INPP5A: variants seen among roughly 807,000 people sequenced by gnomAD.
INPP5A encodes 43 kDa inositol polyphosphate 5-phophatase.
Under a neutral mutation model 65.2 loss-of-function variants are expected in INPP5A, and 14 were observed. That is an observed-to-expected ratio of 0.21 (90% CI 0.14 to 0.34). The LOEUF (loss-of-function observed/expected upper bound fraction) is 0.34, where lower values mean the gene tolerates loss of function less well. INPP5A is among the 10% of genes least tolerant of loss of function. The pLI is 1.00. For synonymous variants in INPP5A, 207 were observed against 208.3 expected, an observed-to-expected ratio of 0.99 and a Z score of 0.05; for missense variants, 431 against 545.6, an observed-to-expected ratio of 0.79 and a Z score of 2.09.
In INPP5A at chr10:132,607,990, A is replaced by G. The variant is rs113928538; in HGVS notation, c.117+34A>G. On this transcript the variant is annotated intron_variant, in intron 2 of 15. Transcript: ENST00000368594. The stretch of plus-strand genomic sequence containing the variant: ...CACTGAAACGTGTTCTTTTGGATTC[A>G]TTACTTAGCCAATAAGGTGCCTTTT... The G allele has an allele frequency of 3.1e-5, 50 of 1,602,842 alleles. 1 individual carries two copies. The highest frequency in any genetic ancestry group is 2.9e-4 in the African/African-American group (22 of 74,848).
At chr10:132,776,574 A>G (rs975824067) in intron 12 of INPP5A, among the ~76,000 whole-genome samples, 8 of 152,036 alleles carry the variant, frequency 5.3e-5, no homozygotes, top group African/African-American at 1.9e-4. Flanking sequence ...AACTCTTGAG[A>G]CTCTGGTGAA....
At chr10:132,721,689 G>C (rs952169780) in intron 8 of INPP5A, among the ~76,000 whole-genome samples, 1 of 143,574 alleles carries the variant, frequency 7.0e-6, no homozygotes, top group African/African-American at 3.0e-5. Flanking sequence ...GCTGTCTTGC[G>C]GGTTCTGTGG....
rs540614753 is a variant in INPP5A, at chr10:132,635,348, C to T, written c.118-10520C>T. ...AATTATTTAATTTTTTTTGGCATTC[C>T]ATTTTTATTTCTTTATTGGCTGTTT... On this transcript the variant is annotated intron_variant, in intron 2 of 15. Coordinates refer to ENST00000368594, the MANE Select transcript of INPP5A (RefSeq NM_005539.5). 2.9e-5 allele frequency among the ~76,000 whole-genome samples: 4 copies of T among 137,158 alleles called. No homozygotes were observed. In the Admixed American group the frequency reaches 3.0e-4, roughly 10 times the overall value. 90.0% of individuals were successfully genotyped at this position (137,158 alleles called of 152,430 possible). A position where few individuals can be genotyped will look rare whatever the true frequency, so the allele number is the denominator to read the frequency against.
chr10:132,702,882 G>A (rs1022439687), intron 6 of INPP5A, among the ~76,000 whole-genome samples: 2 of 152,182 alleles, frequency 1.3e-5, no homozygotes, highest in Non-Finnish European at 1.5e-5. Flanking sequence ...GGGGTGGGCC[G>A]GGGCACTTGT....
In INPP5A at chr10:132,587,595, C is replaced by T. The variant is rs1268764983; in HGVS notation, c.76-20320C>T. 6.6e-6 allele frequency among the ~76,000 whole-genome samples: 1 copy of T among 152,228 alleles called. No homozygotes were observed. Among genetic ancestry groups the T allele is most frequent in the African/African-American group, 2.4e-5 (1 of 41,460 alleles). On this transcript the variant is annotated intron_variant, in intron 1 of 15. Coordinates refer to ENST00000368594, the MANE Select transcript of INPP5A (RefSeq NM_005539.5). This position sits in a 1 kb window ranked among gnomAD's most constrained non-coding sequence, Gnocchi z 4.3. ...CCTGCCTGAACTCCAGCCTCTCCCT[C>T]TTTGTTGTTTGTATGCCGTGCTCAG...
At chr10:132,732,997 C>T (rs778741964) in intron 9 of INPP5A, among the ~76,000 whole-genome samples, 12 of 152,164 alleles carry the variant, frequency 7.9e-5, no homozygotes, top group Non-Finnish European at 1.6e-4. Flanking sequence ...ACCTGGACAT[C>T]CAAAATCAAG....
At chr10:132,735,322 A>G (rs1023964004) in intron 9 of INPP5A, among the ~76,000 whole-genome samples, 2 of 152,166 alleles carry the variant, frequency 1.3e-5, no homozygotes, top group Non-Finnish European at 2.9e-5. Context: ...GAGTAAGCAT[A>G]CGCGGTTCTG....
At position 132,596,434 on chromosome 10, in the gene INPP5A, G is replaced by GT. The variant is rs796621283; in HGVS notation, c.76-11469dup. On this transcript the variant is annotated intron_variant, in intron 1 of 15. Coordinates refer to ENST00000368594, the MANE Select transcript of INPP5A (RefSeq NM_005539.5). ...TGCGTGTGTGTGCATGTTTTGTTTT[G>GT]TTTTTTTTTTTTGAGATGGAGTCTC... Among the ~76,000 whole-genome samples the GT allele has an allele frequency of 7.4e-3, 1,049 of 142,590 alleles. 9 individuals are homozygous for GT. The highest frequency in any genetic ancestry group is 0.029 in the Middle Eastern group (8 of 278). 93.5% of individuals were successfully genotyped at this position (142,590 alleles called of 152,430 possible).
chr10:132,581,335 A>G (rs764743133), intron 1 of INPP5A, among the ~76,000 whole-genome samples: 6 of 152,190 alleles, frequency 3.9e-5, no homozygotes, highest in Non-Finnish European at 7.3e-5. Context: ...AATTATGATG[A>G]GCAAAGACTC....
chr10:132,596,909 GTGTGCATGTGTGCGCGCA>G (rs777623516), intron 1 of INPP5A, among the ~76,000 whole-genome samples: 4 of 52,782 alleles, frequency 7.6e-5, no homozygotes, highest in South Asian at 2.3e-3. Context: ...TCCTGTGCAT[GTGTGCATGTGTGCGCGCA>G]TGTGCACGCA....
intron 12 of INPP5A, among the ~76,000 whole-genome samples, chr10:132,766,885 A>T: frequency 7.2e-6 from 1 of 138,138 alleles, no homozygotes. Context: ...TGGGAGCTGG[A>T]GGATGCGGCC....
intron 1 of INPP5A, among the ~76,000 whole-genome samples, chr10:132,565,432 A>G (rs1204299019): frequency 1.3e-5 from 2 of 152,168 alleles, no homozygotes; most frequent in East Asian, 1.9e-4. Context: ...CCTCAACACA[A>G]CCTTCCCAGA....
At position 132,651,396 on chromosome 10, in the gene INPP5A, G is replaced by A. The variant is rs1286434030; in HGVS notation, c.306+891G>A. The stretch of plus-strand genomic sequence containing the variant: ...CTGGGTCCATCTCCCCCGTCTCTGG[G>A]GAGGCCCTGGGTCCCCCGGCCTGGG... On this transcript the variant is annotated intron_variant, in intron 4 of 15. Coordinates refer to ENST00000368594, the MANE Select transcript of INPP5A (RefSeq NM_005539.5). The surrounding 1 kb of genome is among the most constrained non-coding windows in gnomAD (Gnocchi z 5.0). Among the ~76,000 whole-genome samples the A allele has an allele frequency of 8.1e-5, 11 of 135,666 alleles. No homozygotes were observed. The highest frequency in any genetic ancestry group is 6.4e-4 in the Admixed American group (9 of 14,076). The allele number at this position is 135,666 out of a possible 152,430, so 89.0% of individuals were successfully genotyped here.
intron 2 of INPP5A, among the ~76,000 whole-genome samples, chr10:132,636,706 G>T (rs1428903640): frequency 6.6e-6 from 1 of 152,160 alleles, no homozygotes; most frequent in Non-Finnish European, 1.5e-5. Context: ...CCTCAGAAAG[G>T]GCTGATGGGG....
intron 1 of INPP5A, among the ~76,000 whole-genome samples, chr10:132,558,268 G>A (rs1025529451): frequency 2.0e-5 from 3 of 152,158 alleles, no homozygotes; most frequent in African/African-American, 7.2e-5. Flanking sequence ...TGCTCCGGGT[G>A]TCCCCGGCCC....
chr10:132,727,002 C>A lies in INPP5A; in HGVS notation c.732+97C>A. The A allele has an allele frequency of 6.8e-6, 5 of 732,912 alleles. No individual in the cohort carries two copies. The highest frequency in any genetic ancestry group is 1.1e-5 in the Non-Finnish European group (5 of 457,842). 45.4% of individuals were successfully genotyped at this position (732,912 alleles called of 1,614,324 possible). Reference sequence around the variant, plus strand: ...TGGCCCCTTACTGGCACTTTCAATGCCATCCGCCTCCCGGGATGCACTTTT... The same window carrying A: ...TGGCCCCTTACTGGCACTTTCAATGACATCCGCCTCCCGGGATGCACTTTT... On this transcript the variant is annotated intron_variant, in intron 9 of 15. Coordinates refer to ENST00000368594, the MANE Select transcript of INPP5A (RefSeq NM_005539.5). This position sits in a 1 kb window ranked among gnomAD's most constrained non-coding sequence, Gnocchi z 6.5.
chr10:132,714,290 G>A (rs1338622003), intron 8 of INPP5A, among the ~76,000 whole-genome samples: 1 of 152,200 alleles, frequency 6.6e-6, no homozygotes, highest in African/African-American at 2.4e-5. Flanking sequence ...GGGGCGGGCC[G>A]CGCAACACAA....
At position 132,782,137 on chromosome 10, in the gene INPP5A, G is replaced by A. The variant is rs548485255; in HGVS notation, c.*108G>A. 4 of 1,520,800 alleles carry A rather than the reference G, an allele frequency of 2.6e-6. No individual in the cohort carries two copies. The highest frequency in any genetic ancestry group is 1.2e-5 in the South Asian group (1 of 82,916). 94.2% of individuals were successfully genotyped at this position (1,520,800 alleles called of 1,614,324 possible). A position where few individuals can be genotyped will look rare whatever the true frequency, so the allele number is the denominator to read the frequency against. On this transcript the variant is annotated 3_prime_UTR_variant, in exon 16 of 16. Coordinates refer to ENST00000368594, the MANE Select transcript of INPP5A (RefSeq NM_005539.5). This position sits in a 1 kb window ranked among gnomAD's most constrained non-coding sequence, Gnocchi z 4.4. ...AGCTGCATCGAGAACCCGCCCAAGC[G>A]CCACCTGCTAGACGGCCAGCCCCAC...
At chr10:132,715,544 G>C in intron 8 of INPP5A, among the ~76,000 whole-genome samples, 1 of 152,148 alleles carries the variant, frequency 6.6e-6, no homozygotes, top group East Asian at 1.9e-4. Context: ...CCGCGCCCCA[G>C]CCCCGCTTTG....
Sources: allele counts gnomAD v4.1 joint callset (sites outside exome capture counted in the v4.1 genomes callset), GRCh38; gene constraint gnomAD v4.1.1; non-coding constraint Gnocchi (gnomAD v3.1); transcripts MANE v1.5; gene names NCBI Gene and HGNC (gene_info 2026-07-23, HGNC 2026-07-21).